HDGFL3: variants seen among roughly 807,000 people sequenced by gnomAD.
The protein encoded by HDGFL3 is hepatoma-derived growth factor-related protein 3.
Under a neutral mutation model 27.6 loss-of-function variants are expected in HDGFL3, and 6 were observed. The ratio of observed to expected loss-of-function variants is 0.22; its 90% CI spans 0.12 to 0.43. HDGFL3 has a LOEUF of 0.43. Among genes scored for constraint, HDGFL3 ranks in the 20% least tolerant of loss-of-function variants. The probability of loss-of-function intolerance (pLI) is 1.00; values close to 1 mark genes in which losing one functional copy is unlikely to be tolerated. For synonymous variants in HDGFL3, 88 were observed against 88.9 expected (o/e 0.99, Z 0.05); for missense variants, 207 against 250.1 (o/e 0.83, Z 1.16).
chr15:83,185,852 G>A (rs2037435293), intron 1 of HDGFL3: 1 of 152,272 alleles, frequency 6.6e-6, no homozygotes, highest in Admixed American at 6.5e-5. Context: ...GGGATTGGAT[G>A]CCACTTCTAA....
chr15:83,121,481 G>A (rs2035238630), intron 3 of HDGFL3, among the ~76,000 whole-genome samples: 1 of 152,098 alleles, frequency 6.6e-6, no homozygotes, highest in African/African-American at 2.4e-5. Context: ...TTGGGGCTTT[G>A]GCCAAAATTC....
chr15:83,172,649 C>T (rs2037260286), intron 1 of HDGFL3, among the ~76,000 whole-genome samples: 1 of 151,912 alleles, frequency 6.6e-6, no homozygotes, highest in Admixed American at 6.6e-5. Flanking sequence ...ACCAGCCTGG[C>T]CAACATGGTG....
chr15:83,141,579 C>T (rs1020196550), intron 5 of HDGFL3, among the ~76,000 whole-genome samples: 2 of 152,010 alleles, frequency 1.3e-5, no homozygotes, highest in African/African-American at 4.8e-5. Flanking sequence ...GACAGTTTTC[C>T]AATATTTAAA....
In HDGFL3 at chr15:83,151,343, G is replaced by A. The variant is rs781098686; in HGVS notation, c.478C>T (p.Arg160Trp). 3 of 1,612,134 alleles carry A rather than the reference G, an allele frequency of 1.9e-6. No individual in the cohort carries two copies. Among genetic ancestry groups the A allele is most frequent in the Admixed American group, 1.7e-5 (1 of 59,744 alleles). Residue 160 changes from arginine to tryptophan, a missense_variant, in exon 5 of 6, where the codon CGG becomes TGG. Coordinates refer to ENST00000299633, the MANE Select transcript of HDGFL3 (RefSeq NM_016073.4). The stretch of plus-strand genomic sequence containing the variant: ...TCATCTTCATCTCCTGGAGATTTCC[G>A]GGACTGTTTAGAGGATTTCTAAATG... ...YTSKKSSKQSRKSPGDEDDKD... is the reference protein window; with the variant it reads ...YTSKKSSKQSWKSPGDEDDKD...
rs1348041241 is a variant in HDGFL3, at chr15:83,130,645, T to C, written c.*8625A>G. ...AGCTTTAATATCTACCCACTTATAG[T>C]GTGTAGGCTAAGGAAAAGTTAGAAG... On this transcript the variant is annotated 3_prime_UTR_variant, in exon 6 of 6. Transcript: ENST00000299633. 2 of 152,220 alleles carry C rather than the reference T, an allele frequency of 1.3e-5. No homozygotes were observed. Among genetic ancestry groups the C allele is most frequent in the African/African-American group, 2.4e-5 (1 of 41,446 alleles). 9.4% of individuals were successfully genotyped at this position (152,220 alleles called of 1,614,324 possible).
intron 1 of HDGFL3, among the ~76,000 whole-genome samples, chr15:83,193,050 T>A (rs552125085): frequency 6.6e-6 from 1 of 152,290 alleles, no homozygotes; most frequent in East Asian, 1.9e-4. Flanking sequence ...TGGACTTCCA[T>A]AAAAACTCAC....
intron 1 of HDGFL3, among the ~76,000 whole-genome samples, chr15:83,173,692 T>G (rs1361695278): frequency 6.6e-6 from 1 of 152,198 alleles, no homozygotes; most frequent in Non-Finnish European, 1.5e-5. Flanking sequence ...TTGCCATTAT[T>G]TTTATGGACT....
At chr15:83,197,119 A>G (rs1178982617) in intron 1 of HDGFL3, among the ~76,000 whole-genome samples, 1 of 152,240 alleles carries the variant, frequency 6.6e-6, no homozygotes, top group Non-Finnish European at 1.5e-5. Context: ...AATGGAGACC[A>G]TGATATTTCA....
Position 83,175,365 on chromosome 15 carries a change from A to G in HDGFL3, c.85-11290T>C, listed in dbSNP as rs115291892. ...TAACTTTTTTGAAAATTATACTTTG[A>G]CAACTTTGGAAATACACCAAGATGT... On this transcript the variant is annotated intron_variant, in intron 1 of 5. Coordinates refer to ENST00000299633, the MANE Select transcript of HDGFL3 (RefSeq NM_016073.4). Among the ~76,000 whole-genome samples, 470 of 152,284 alleles carry G rather than the reference A, an allele frequency of 3.1e-3. 3 individuals are homozygous for G. The highest frequency in any genetic ancestry group is 0.011 in the African/African-American group (455 of 41,550).
chr15:83,119,872 G>A, intron 3 of HDGFL3: 1 of 779,648 alleles, frequency 1.3e-6, no homozygotes, highest in Non-Finnish European at 1.9e-6. Flanking sequence ...CTTCTGAATT[G>A]CTCCCTAGCA....
At chr15:83,120,234 G>C (rs2035093286) in intron 3 of HDGFL3, 1 of 157,730 alleles carries the variant, frequency 6.3e-6, no homozygotes, top group African/African-American at 2.4e-5. Flanking sequence ...CCCCCATCAT[G>C]ATATGCTAGC....
chr15:83,186,531 G>A (rs1028458798), intron 1 of HDGFL3, among the ~76,000 whole-genome samples: 1 of 152,044 alleles, frequency 6.6e-6, no homozygotes, highest in African/African-American at 2.4e-5. Flanking sequence ...ATAGTAATCC[G>A]GTAAATTTAT....
At chr15:83,144,809 T>C (rs539519458) in intron 5 of HDGFL3, 9 of 333,414 alleles carry the variant, frequency 2.7e-5, no homozygotes, top group Admixed American at 2.5e-4. Context: ...GAATGGACTG[T>C]TGATGAGTCT....
At chr15:83,163,975 T>A in intron 2 of HDGFL3, 24 bp downstream of exon 2, 1 of 1,528,132 alleles carries the variant, frequency 6.5e-7, no homozygotes, top group South Asian at 1.1e-5. Flanking sequence ...GCTAGAGCTG[T>A]TGAAACTATT....
intron 3 of HDGFL3, among the ~76,000 whole-genome samples, chr15:83,120,272 TCTTTAGAGACCC>T (rs1183092184): frequency 6.6e-6 from 1 of 152,214 alleles, no homozygotes; most frequent in East Asian, 1.9e-4. Context: ...ACATGTGAGT[TCTTTAGAGACCC>T]CAACCACAGG....
At chr15:83,191,978 G>C (rs951334405) in intron 1 of HDGFL3, among the ~76,000 whole-genome samples, 1 of 95,910 alleles carries the variant, frequency 1.0e-5, no homozygotes, top group African/African-American at 4.2e-5. Flanking sequence ...TTTCGCTCTT[G>C]TCACCCAGGC....
chr15:83,155,480 G>A (rs1334492604), intron 4 of HDGFL3, among the ~76,000 whole-genome samples: 1 of 152,228 alleles, frequency 6.6e-6, no homozygotes, highest in Non-Finnish European at 1.5e-5. Context: ...ATCAATTCAA[G>A]TAGGTGTTTA....
At chr15:83,139,371 T>C (rs2036722773) in intron 5 of HDGFL3, 96 bp from the exon 6 acceptor site, 1 of 678,256 alleles carries the variant, frequency 1.5e-6, no homozygotes, top group East Asian at 3.0e-5. Flanking sequence ...ATAATTGGGT[T>C]TTCTGAAATT....
intron 1 of HDGFL3, among the ~76,000 whole-genome samples, chr15:83,169,708 C>T (rs1240706222): frequency 6.6e-5 from 10 of 151,098 alleles, no homozygotes; most frequent in South Asian, 6.3e-4. Flanking sequence ...GGCTGAGACA[C>T]GAGAATCACT....
Sources: gnomAD v4.1 joint callset for allele counts (sites outside exome capture counted in the v4.1 genomes callset) on GRCh38, gnomAD v4.1.1 for gene constraint, MANE v1.5 for transcripts, NCBI Gene and HGNC (gene_info 2026-07-23, HGNC 2026-07-21) for gene names.